Variants in CFAP52 observed in about 807,000 individuals in gnomAD.
The protein encoded by CFAP52 is cilia- and flagella-associated protein 52.
Under a neutral mutation model 70.5 loss-of-function variants are expected in CFAP52, and 57 were observed. The ratio of observed to expected loss-of-function variants is 0.81; its 90% CI spans 0.65 to 1.01. The LOEUF (loss-of-function observed/expected upper bound fraction) is 1.01. Among genes scored for constraint, CFAP52 ranks in the 50% least tolerant of loss-of-function variants. The pLI, the probability that CFAP52 is intolerant of heterozygous loss-of-function variation, is 0.00. For synonymous variants in CFAP52, 267 were observed against 292.5 expected (o/e 0.91, Z 0.89); for missense variants, 785 against 788.5 (o/e 1.00, Z 0.05).
downstream of CFAP52, among the ~76,000 whole-genome samples, chr17:9,644,391 C>A (rs1213109011): frequency 6.6e-6 from 1 of 152,202 alleles, no homozygotes; most frequent in African/African-American, 2.4e-5. Flanking sequence ...AGGCGTGAGC[C>A]ACCGCGCCCG....
intron 13 of CFAP52, among the ~76,000 whole-genome samples, chr17:9,642,407 T>C (rs1054461127): frequency 2.6e-5 from 4 of 152,178 alleles, no homozygotes; most frequent in African/African-American, 9.6e-5. Flanking sequence ...GTGGATCACC[T>C]GGGGTCAGGA....
At chr17:9,596,003 TTA>T (rs1219266692) in intron 4 of CFAP52, among the ~76,000 whole-genome samples, 7 of 139,838 alleles carry the variant, frequency 5.0e-5, no homozygotes, top group Admixed American at 3.0e-4. Flanking sequence ...ACATACATAG[TTA>T]TATATATGTT....
intron 13 of CFAP52, 75 bp from the exon 14 acceptor site, chr17:9,642,948 T>C (rs1293785492): frequency 1.6e-6 from 2 of 1,255,488 alleles, no homozygotes; most frequent in Non-Finnish European, 2.1e-6. Context: ...TTGAAAATGA[T>C]CCAGTTATTT....
intron 6 of CFAP52, among the ~76,000 whole-genome samples, chr17:9,607,484 G>T (rs1302901433): frequency 6.6e-6 from 1 of 152,152 alleles, no homozygotes; most frequent in African/African-American, 2.4e-5. Context: ...GAATGGTGGG[G>T]GGCACCCCAA....
rs545806261 is a variant in CFAP52 at position 9,623,162 on chromosome 17, G to A, written c.1026-5510G>A. Reference sequence around the variant, plus strand: ...TAATTATTTGTTATATCTTTTTGCTGTATTGACATTTTTATTAAAGTGTTC... The same window carrying A: ...TAATTATTTGTTATATCTTTTTGCTATATTGACATTTTTATTAAAGTGTTC... On this transcript the variant is annotated intron_variant, in intron 8 of 13. Transcript: ENST00000352665. 2.7e-3 allele frequency among the ~76,000 whole-genome samples: 405 copies of A among 152,080 alleles called. 4 individuals carry two copies. Among genetic ancestry groups the A allele is most frequent in the Non-Finnish European group, 2.2e-3 (148 of 67,968 alleles).
At chr17:9,605,464 C>A (rs2151938945) in intron 6 of CFAP52, among the ~76,000 whole-genome samples, 1 of 152,100 alleles carries the variant, frequency 6.6e-6, no homozygotes, top group South Asian at 2.1e-4. Context: ...CTAATCCCAG[C>A]ACTTTGTGGG....
chr17:9,599,931 G>C, intron 5 of CFAP52, 136 bp from the exon 6 acceptor site: 1 of 646,608 alleles, frequency 1.5e-6, no homozygotes. Context: ...AGTAGAGACA[G>C]GGTTTCTCCA....
At position 9,640,210 on chromosome 17, in the gene CFAP52, C is replaced by T. The variant is rs368266408; in HGVS notation, c.1575+1499C>T. Among the ~76,000 whole-genome samples, 287 of 151,430 alleles carry T rather than the reference C, an allele frequency of 1.9e-3. 1 individual carries two copies. The highest frequency in any genetic ancestry group is 6.9e-3 in the Middle Eastern group (2 of 288). On this transcript the variant is annotated intron_variant, in intron 12 of 13. Coordinates refer to ENST00000352665, the MANE Select transcript of CFAP52 (RefSeq NM_145054.5). ...CACGTGCAGGTTTGCACTCCTGATTCCTGGTCAAGCACTCTTTTTTTTTTT... is the reference window on the plus strand; with the variant it reads ...CACGTGCAGGTTTGCACTCCTGATTTCTGGTCAAGCACTCTTTTTTTTTTT...
chr17:9,598,279 C>G lies in CFAP52; in HGVS notation c.582C>G (p.Ile194Met). Residue 194 changes from isoleucine to methionine, a missense_variant, in exon 5 of 14, where the codon ATC becomes ATG. By Grantham distance (10) the Ile-to-Met change is conservative. Transcript: ENST00000352665. ...AATTGGATCTTCCAAATAGAAAAAT[C>G]TGGCCAACTGAGTGCCAAACAGGAC... is the stretch of plus-strand genomic sequence containing the variant. ...VWELDLPNRKIWPTECQTGQL... is the reference protein window; with the variant it reads ...VWELDLPNRKMWPTECQTGQL... The G allele has an allele frequency of 6.2e-7, 1 of 1,610,880 alleles. No homozygotes were observed. The highest frequency in any genetic ancestry group is 8.5e-7 in the Non-Finnish European group (1 of 1,178,850).
In CFAP52 at chr17:9,576,673, A is replaced by G. The variant is rs745586152; in HGVS notation, c.-23A>G. ...CGCTGCAGCCACTAGGGAGGAGAGC[A>G]AAGTAATCAGAACCTCCCAAGGATG... On this transcript the variant is annotated 5_prime_UTR_variant, in exon 1 of 14. Coordinates refer to ENST00000352665, the MANE Select transcript of CFAP52 (RefSeq NM_145054.5). The G allele has an allele frequency of 6.2e-7, 1 of 1,601,934 alleles. No homozygotes were observed. The highest frequency in any genetic ancestry group is 8.5e-7 in the Non-Finnish European group (1 of 1,173,260).
intron 7 of CFAP52, among the ~76,000 whole-genome samples, chr17:9,611,387 C>T (rs758509397): frequency 6.6e-6 from 1 of 151,986 alleles, no homozygotes; most frequent in Non-Finnish European, 1.5e-5. Context: ...CAGAGTCTCA[C>T]TCTGTCATCC....
intron 9 of CFAP52, 75 bp from the exon 10 acceptor site, chr17:9,632,813 T>C (rs1910610587): frequency 6.4e-7 from 1 of 1,551,742 alleles, no homozygotes; most frequent in African/African-American, 1.4e-5. Flanking sequence ...TGCCTCTCCT[T>C]AGTGAGGCCA....
intron 1 of CFAP52, chr17:9,584,452 G>T (rs1214122539): frequency 1.6e-5 from 17 of 1,088,190 alleles, no homozygotes; most frequent in Non-Finnish European, 1.8e-5. Context: ...TATTAAGGTT[G>T]TATCAATTTA....
At chr17:9,579,765 G>A (rs140194948) in intron 1 of CFAP52, among the ~76,000 whole-genome samples, 20 of 152,102 alleles carry the variant, frequency 1.3e-4, no homozygotes, top group Non-Finnish European at 2.2e-4. Flanking sequence ...ACGGTGTTTC[G>A]CCACGTTGGC....
chr17:9,594,246 C>T lies in CFAP52; in HGVS notation c.461C>T (p.Ala154Val), dbSNP rs1908897061. The T allele has an allele frequency of 1.9e-6, 3 of 1,613,870 alleles. No individual in the cohort carries two copies. Among genetic ancestry groups the T allele is most frequent in the Non-Finnish European group, 2.5e-6 (3 of 1,179,944 alleles). ...KRDAICGSPA[A>V]GLNVGNATNV... ...GATGCCATCTGTGGCAGCCCTGCAG[C>T]CGGCCTCAATGTTGGCAATGCCACC... The change falls in exon 4 of 14, where the codon GCC becomes GTC. Residue 154 changes from alanine (A) to valine (V), a missense_variant. By Grantham distance (64) the Ala-to-Val change is moderately conservative (BLOSUM62 0). Coordinates refer to ENST00000352665, the MANE Select transcript of CFAP52 (RefSeq NM_145054.5).
chr17:9,578,588 C>T (rs926854490), intron 1 of CFAP52, among the ~76,000 whole-genome samples: 2 of 152,178 alleles, frequency 1.3e-5, no homozygotes, highest in African/African-American at 4.8e-5. Context: ...GGTGGAGTCT[C>T]GCTCTGTTGT....
At chr17:9,638,890 C>G in intron 12 of CFAP52, 179 bp downstream of exon 12, 2 of 608,120 alleles carry the variant, frequency 3.3e-6, no homozygotes, top group South Asian at 2.0e-5. Flanking sequence ...ACTTCCCCAC[C>G]TGTTAAGTGG....
At chr17:9,625,530 C>T (rs1466280617) in intron 8 of CFAP52, among the ~76,000 whole-genome samples, 1 of 151,870 alleles carries the variant, frequency 6.6e-6, no homozygotes, top group Non-Finnish European at 1.5e-5. Flanking sequence ...GGATATTCCC[C>T]CTTTAAATTC....
At chr17:9,610,526 T>C (rs1456534196) in intron 7 of CFAP52, among the ~76,000 whole-genome samples, 1 of 144,774 alleles carries the variant, frequency 6.9e-6, no homozygotes, top group East Asian at 2.4e-4. Flanking sequence ...ATCTTTCCTT[T>C]CCCCATTTTT....
Sources: gnomAD v4.1 joint callset for allele counts (sites outside exome capture counted in the v4.1 genomes callset) on GRCh38, gnomAD v4.1.1 for gene constraint, MANE v1.5 for transcripts, NCBI Gene and HGNC (gene_info 2026-07-23, HGNC 2026-07-21) for gene names.